AVIL: variants seen among roughly 807,000 people sequenced by gnomAD.
AVIL encodes advillin.
Under a neutral mutation model 109.9 loss-of-function variants are expected in AVIL, and 78 were observed. That is an observed-to-expected ratio of 0.71 (90% CI 0.59 to 0.86). The LOEUF (loss-of-function observed/expected upper bound fraction) is 0.86, where lower values mean the gene tolerates loss of function less well. AVIL is among the 40% of genes least tolerant of loss of function. The probability of loss-of-function intolerance (pLI) is 0.00; values close to 1 mark genes in which losing one functional copy is unlikely to be tolerated. For synonymous variants in AVIL, 367 were observed against 379.1 expected (o/e 0.97, Z 0.37); for missense variants, 892 against 1,016.5 (o/e 0.88, Z 1.67).
chr12:57,817,885 T>C (rs1416969032), intron 1 of AVIL, among the ~76,000 whole-genome samples: 1 of 152,202 alleles, frequency 6.6e-6, no homozygotes, highest in Non-Finnish European at 1.5e-5. Flanking sequence ...TAAATCCTAA[T>C]TCAGTATCCT....
chr12:57,814,297 C>G (rs1229751186), intron 2 of AVIL, 71 bp from the exon 3 acceptor site: 13 of 1,451,018 alleles, frequency 9.0e-6, no homozygotes, highest in Non-Finnish European at 1.2e-5. Context: ...TCCCTCTCCT[C>G]TCTGTCATTC....
At chr12:57,807,289 A>G in intron 13 of AVIL, 42 bp downstream of exon 13, 1 of 1,613,304 alleles carries the variant, frequency 6.2e-7, no homozygotes, top group Non-Finnish European at 8.5e-7. Context: ...GTTAGTTTGG[A>G]ACGTTCCAGC....
chr12:57,798,052 G>C (rs1955771497), intron 19 of AVIL, 57 bp from the exon 20 acceptor site: 1 of 1,308,204 alleles, frequency 7.6e-7, no homozygotes. Context: ...ATTGCCAACA[G>C]AAGTTGAGGA....
chr12:57,798,601 A>G (rs190069908), intron 19 of AVIL, among the ~76,000 whole-genome samples: 18 of 151,932 alleles, frequency 1.2e-4, no homozygotes, highest in Admixed American at 3.3e-4. Context: ...AGGGGAAAAG[A>G]AATTTATTCT....
chr12:57,802,548 CT>C (rs1955871931), intron 16 of AVIL, 200 bp from the exon 17 acceptor site: 3 of 752,270 alleles, frequency 4.0e-6, no homozygotes, highest in Non-Finnish European at 7.0e-6. Context: ...CTATGTGTAT[CT>C]TCCAGGTCTG....
chr12:57,817,844 A>T (rs1003998183), intron 1 of AVIL, among the ~76,000 whole-genome samples: 5 of 152,132 alleles, frequency 3.3e-5, no homozygotes. Flanking sequence ...TCTGACATCA[A>T]ATCTCCCAAA....
intron 17 of AVIL, 78 bp from the exon 18 acceptor site, chr12:57,801,290 C>G (rs1033480074): frequency 7.4e-6 from 9 of 1,211,458 alleles, no homozygotes; most frequent in Non-Finnish European, 1.1e-5. Context: ...TCTGTGTCTT[C>G]AGGAAAAGCA....
chr12:57,814,277 C>T, intron 2 of AVIL, 51 bp from the exon 3 acceptor site: 3 of 1,538,824 alleles, frequency 1.9e-6, no homozygotes, highest in Non-Finnish European at 2.7e-6. Context: ...ACCTCCCTTC[C>T]CCATGAGCCT....
chr12:57,816,222 C>A, intron 1 of AVIL, 163 bp from the exon 2 acceptor site: 1 of 600,560 alleles, frequency 1.7e-6, no homozygotes, highest in South Asian at 2.1e-5. Context: ...AGGACTTGTC[C>A]AAGTGCACAT....
In AVIL at chr12:57,797,383, A is replaced by G; in HGVS notation, c.*499T>C. ...ATACTGAAAATAACTCCATTTGTTC[A>G]TTATAGGTATCTTTATTTGAAAAGT... On this transcript the variant is annotated 3_prime_UTR_variant, in exon 20 of 20. Coordinates refer to ENST00000549994, the MANE Select transcript of AVIL (RefSeq NM_006576.4). The G allele has an allele frequency of 1.0e-6, 1 of 985,432 alleles. No individual in the cohort carries two copies. Among genetic ancestry groups the G allele is most frequent in the African/African-American group, 1.7e-5 (1 of 57,364 alleles). The allele number at this position is 985,432 out of a possible 1,614,324, so 61.0% of individuals were successfully genotyped here.
intron 12 of AVIL, 27 bp downstream of exon 12, chr12:57,807,563 C>G: frequency 6.2e-7 from 1 of 1,614,238 alleles, no homozygotes; most frequent in Non-Finnish European, 8.5e-7. Flanking sequence ...CATCAGGATC[C>G]AAAGCTGAAG....
In AVIL at chr12:57,803,671, T is replaced by C. The variant is rs754927322; in HGVS notation, c.1672-2A>G. 2 of 1,613,582 alleles carry C rather than the reference T, an allele frequency of 1.2e-6. No individual in the cohort carries two copies. Among genetic ancestry groups the C allele is most frequent in the Non-Finnish European group, 1.7e-6 (2 of 1,179,896 alleles). ...TGCCCGCTCATCCCCACTAGACCCCTGAGAGTGGGGCGAGGAGAGCACAGA... is the reference window on the plus strand; with the variant it reads ...TGCCCGCTCATCCCCACTAGACCCCCGAGAGTGGGGCGAGGAGAGCACAGA... On this transcript the variant is annotated splice_acceptor_variant, in intron 14 of 19. Coordinates refer to ENST00000549994, the MANE Select transcript of AVIL (RefSeq NM_006576.4). LOFTEE classifies it high-confidence loss of function.
At chr12:57,807,082 G>A (rs1955959195) in intron 13 of AVIL, among the ~76,000 whole-genome samples, 1 of 152,188 alleles carries the variant, frequency 6.6e-6, no homozygotes, top group Non-Finnish European at 1.5e-5. Context: ...TGAGGGTGGT[G>A]CACCTGCATA....
chr12:57,816,929 GA>G (rs1257890701), intron 1 of AVIL, among the ~76,000 whole-genome samples: 2 of 151,890 alleles, frequency 1.3e-5, no homozygotes, highest in Non-Finnish European at 2.9e-5. Context: ...CTTCTGTGTG[GA>G]AGCGTGAACC....
chr12:57,808,581 G>A lies in AVIL; in HGVS notation c.940-33C>T, dbSNP rs945511604. 3.7e-6 allele frequency: 6 copies of A among 1,610,866 alleles called. No individual in the cohort carries two copies. The African/African-American group carries it at 8.0e-5, about 22-fold the overall frequency. On this transcript the variant is annotated intron_variant, in intron 9 of 19. Transcript: ENST00000549994. ...GCCACCCATTCCCAAAGGCAGGTCA[G>A]TGGTGGAATACACTGAGTTCTTTGC...
rs1272294996 is a variant in AVIL, at chr12:57,815,972, C to A, written c.66+3G>T. 1 of 1,614,180 alleles carries A rather than the reference C, an allele frequency of 6.2e-7. No homozygotes were observed. On this transcript the variant is annotated splice_donor_region_variant and intron_variant, in intron 2 of 19. Transcript: ENST00000549994. ...CAAGTAAGGTGCCTCCAGCCCAGCTCACCTCTATTCTCCAGACAATGATCC... is the reference window on the plus strand; with the variant it reads ...CAAGTAAGGTGCCTCCAGCCCAGCTAACCTCTATTCTCCAGACAATGATCC...
chr12:57,807,531 C>T (rs373720855), intron 12 of AVIL, 42 bp from the exon 13 acceptor site: 31 of 1,614,240 alleles, frequency 1.9e-5, no homozygotes, highest in Middle Eastern at 3.3e-4. Flanking sequence ...GCTCCCCGCC[C>T]CAGCCCAGTG....
chr12:57,814,349 A>T, intron 2 of AVIL, 123 bp from the exon 3 acceptor site: 5 of 968,142 alleles, frequency 5.2e-6, no homozygotes, highest in Non-Finnish European at 7.7e-6. Context: ...GTTCTCAATG[A>T]CCTTACAGGA....
intron 16 of AVIL, 75 bp downstream of exon 16, chr12:57,803,172 G>A: frequency 6.4e-7 from 1 of 1,572,358 alleles, no homozygotes; most frequent in Non-Finnish European, 8.7e-7. Flanking sequence ...TTATTCTAGG[G>A]TGGGGATACT....
Sources: gnomAD v4.1 joint callset for allele counts (sites outside exome capture counted in the v4.1 genomes callset) on GRCh38, gnomAD v4.1.1 for gene constraint, MANE v1.5 for transcripts, NCBI Gene and HGNC (gene_info 2026-07-23, HGNC 2026-07-21) for gene names.